Variants in RBFOX1 observed in about 807,000 individuals in gnomAD.
RBFOX1 encodes RNA binding protein fox-1 homolog 1.
RBFOX1 carries 8 observed loss-of-function variants against 57.7 expected under a neutral mutation model. The observed-to-expected ratio is 0.14, with a 90% CI of 0.08 to 0.25. The LOEUF (loss-of-function observed/expected upper bound fraction) is 0.25. Ranked by LOEUF, RBFOX1 falls within the 10% of genes least tolerant of loss-of-function variation. The pLI, the probability that RBFOX1 is intolerant of heterozygous loss-of-function variation, is 1.00. For missense variants in RBFOX1, 611 were observed against 548.5 expected (o/e 1.11, Z -1.14); for synonymous variants, 326 against 222.4 (o/e 1.47, Z -4.15).
intron 4 of RBFOX1, among the ~76,000 whole-genome samples, chr16:5,934,666 G>T (rs1211167171): frequency 6.6e-6 from 1 of 152,246 alleles, no homozygotes; most frequent in East Asian, 1.9e-4. Flanking sequence ...ACTCTGATGT[G>T]ATTACTACAC....
intron 3 of RBFOX1, among the ~76,000 whole-genome samples, chr16:6,714,773 C>G (rs915020826): frequency 6.6e-6 from 1 of 152,070 alleles, no homozygotes; most frequent in African/African-American, 2.4e-5. Flanking sequence ...GTTTTCTAAA[C>G]AGTGCAATTT....
chr16:6,785,662 C>T (rs565516637), intron 3 of RBFOX1, among the ~76,000 whole-genome samples: 1 of 152,290 alleles, frequency 6.6e-6, no homozygotes, highest in South Asian at 2.1e-4. Context: ...TTTATTTCCA[C>T]GTTCCATGTA....
chr16:7,488,673 A>T (rs2066083859), intron 4 of RBFOX1, among the ~76,000 whole-genome samples: 1 of 152,136 alleles, frequency 6.6e-6, no homozygotes, highest in Non-Finnish European at 1.5e-5. Flanking sequence ...TCTGTCCATC[A>T]TCTATCCATC....
chr16:7,586,313 A>C (rs113226568), intron 6 of RBFOX1, among the ~76,000 whole-genome samples: 1,905 of 152,256 alleles, frequency 0.013, 21 homozygotes, highest in Non-Finnish European at 0.019. Flanking sequence ...AAAAATTCCA[A>C]GGTTGGGGGA....
chr16:7,062,868 A>T (rs1371119081), intron 4 of RBFOX1, among the ~76,000 whole-genome samples: 1 of 115,978 alleles, frequency 8.6e-6, no homozygotes, highest in African/African-American at 3.2e-5. Context: ...CCCTTAAGCT[A>T]CCTCATCTCA....
At chr16:6,374,354 C>T (rs989216437) in intron 2 of RBFOX1, among the ~76,000 whole-genome samples, 1 of 152,148 alleles carries the variant, frequency 6.6e-6, no homozygotes, top group Non-Finnish European at 1.5e-5. Context: ...AGAAAGAATT[C>T]CTTTACTGAT....
chr16:6,618,910 C>T (rs1277629708), intron 2 of RBFOX1, among the ~76,000 whole-genome samples: 2 of 152,064 alleles, frequency 1.3e-5, no homozygotes, highest in Admixed American at 6.5e-5. Context: ...AGGAGCAGGG[C>T]CATCCGTAAA....
intron 2 of RBFOX1, among the ~76,000 whole-genome samples, chr16:5,507,697 G>A (rs1392435150): frequency 2.0e-5 from 3 of 152,180 alleles, no homozygotes; most frequent in Non-Finnish European, 4.4e-5. Flanking sequence ...AGTGACTGGT[G>A]TCCTTATAAA....
intron 3 of RBFOX1, among the ~76,000 whole-genome samples, chr16:6,717,336 C>T (rs1418180256): frequency 6.6e-6 from 1 of 152,126 alleles, no homozygotes; most frequent in African/African-American, 2.4e-5. Context: ...ATAAATCTCC[C>T]CTTTTTTGTG....
intron 3 of RBFOX1, among the ~76,000 whole-genome samples, chr16:6,974,177 T>C (rs982047118): frequency 3.9e-5 from 6 of 152,136 alleles, no homozygotes; most frequent in Non-Finnish European, 5.9e-5. Flanking sequence ...ATCCAGTCTA[T>C]CATTGCTGAG....
At chr16:6,707,024 C>T (rs912164794) in intron 3 of RBFOX1, among the ~76,000 whole-genome samples, 4 of 152,276 alleles carry the variant, frequency 2.6e-5, no homozygotes, top group Non-Finnish European at 5.9e-5. Context: ...AGTATATCAT[C>T]TCTAATGATC....
chr16:5,394,257 C>T (rs2066488755), intron 1 of RBFOX1, among the ~76,000 whole-genome samples: 2 of 152,104 alleles, frequency 1.3e-5, no homozygotes, highest in Admixed American at 1.3e-4. Flanking sequence ...CTCCTGAACT[C>T]GTGATCTGCC....
rs368351510 is a variant in RBFOX1 at position 6,468,173 on chromosome 16, T to C, written c.-64+151116T>C. Among the ~76,000 whole-genome samples the C allele has an allele frequency of 3.3e-5, 5 of 152,176 alleles. No individual in the cohort carries two copies. The South Asian group carries it at 6.2e-4, about 19-fold the overall frequency. On this transcript the variant is annotated intron_variant, in intron 2 of 15. Coordinates refer to ENST00000550418, the MANE Select transcript of RBFOX1 (RefSeq NM_018723.4). ...TAGAATTCTAACACCTCCAGTATAATGGCAGGAGGAGGAATGGTTAGGAAC... is the reference window on the plus strand; with the variant it reads ...TAGAATTCTAACACCTCCAGTATAACGGCAGGAGGAGGAATGGTTAGGAAC...
chr16:7,305,398 G>A (rs1016676408), intron 4 of RBFOX1, among the ~76,000 whole-genome samples: 1 of 152,090 alleles, frequency 6.6e-6, no homozygotes, highest in African/African-American at 2.4e-5. Context: ...CATTGGGCAG[G>A]GGCAGTGGAT....
chr16:7,477,631 C>T (rs977756169), intron 4 of RBFOX1, among the ~76,000 whole-genome samples: 3 of 152,164 alleles, frequency 2.0e-5, no homozygotes, highest in African/African-American at 7.2e-5. Flanking sequence ...GCTGCTCTCA[C>T]CTTATTACGA....
chr16:6,956,926 C>T (rs749173091), intron 3 of RBFOX1, among the ~76,000 whole-genome samples: 4 of 151,922 alleles, frequency 2.6e-5, no homozygotes, highest in African/African-American at 4.8e-5. Context: ...GGTCCAGATC[C>T]AGACCCCAAG....
intron 4 of RBFOX1, among the ~76,000 whole-genome samples, chr16:7,444,285 G>A (rs572649757): frequency 6.6e-6 from 1 of 152,212 alleles, no homozygotes; most frequent in African/African-American, 2.4e-5. Context: ...CGTGGGTGTG[G>A]TCTGGCTGGA....
At chr16:7,034,827 C>CTTTTTTTTTTTTTTTTTTTTTTTTTT (rs113413414) in intron 3 of RBFOX1, among the ~76,000 whole-genome samples, 1 of 54,112 alleles carries the variant, frequency 1.8e-5, no homozygotes, top group Non-Finnish European at 3.1e-5. Context: ...TATTGCATTA[C>CTTTTTTTTTTTTTTTTTTTTTTTTTT]TTTTTTTTTT....
At chr16:5,625,535 G>GTTATTTGTTTAT (rs1555486497) in intron 3 of RBFOX1, among the ~76,000 whole-genome samples, 1 of 143,068 alleles carries the variant, frequency 7.0e-6, no homozygotes, top group African/African-American at 2.8e-5. Flanking sequence ...AATATTTTTT[G>GTTATTTGTTTAT]TTATTTATTT....
Sources: gnomAD v4.1 joint callset for allele counts (sites outside exome capture counted in the v4.1 genomes callset) on GRCh38, gnomAD v4.1.1 for gene constraint, MANE v1.5 for transcripts, NCBI Gene and HGNC (gene_info 2026-07-23, HGNC 2026-07-21) for gene names.